SGMS1: variants seen among roughly 807,000 people sequenced by gnomAD.
SGMS1 encodes the protein sphingomyelin synthase 1, also known as phosphatidylcholine:ceramide cholinephosphotransferase 1.
In SGMS1, 13 loss-of-function variants were observed where a neutral mutation model predicts 46.2. That is an observed-to-expected ratio of 0.28 (90% CI 0.18 to 0.45). The LOEUF is 0.45. SGMS1 is among the 20% of genes least tolerant of loss of function. SGMS1 has a pLI of 1.00. For missense variants in SGMS1, 324 were observed against 519.9 expected (o/e 0.62, Z 3.66); for synonymous variants, 203 against 187.8 (o/e 1.08, Z -0.66).
At chr10:50,597,340 A>G (rs74350596) in intron 1 of SGMS1, among the ~76,000 whole-genome samples, 3,034 of 152,322 alleles carry the variant, frequency 0.02, 117 homozygotes, top group African/African-American at 0.07. Context: ...GCCAGCAAAA[A>G]TACAGGTCAA....
intron 6 of SGMS1, among the ~76,000 whole-genome samples, chr10:50,359,168 A>G (rs1848205513): frequency 6.6e-6 from 1 of 152,124 alleles, no homozygotes; most frequent in Non-Finnish European, 1.5e-5. Flanking sequence ...GCTGGAGTGT[A>G]TGTATTTTGC....
chr10:50,528,467 C>T (rs545242081), intron 2 of SGMS1, among the ~76,000 whole-genome samples: 42 of 152,344 alleles, frequency 2.8e-4, no homozygotes, highest in African/African-American at 9.4e-4. Context: ...AGGGACTATT[C>T]TTAAAACCAA....
At chr10:50,324,814 G>A (rs1201984637) in intron 8 of SGMS1, among the ~76,000 whole-genome samples, 1 of 152,172 alleles carries the variant, frequency 6.6e-6, no homozygotes, top group Non-Finnish European at 1.5e-5. Context: ...TCCAGAAAGT[G>A]GGATATTCTG....
chr10:50,554,600 T>A (rs1838175249), intron 2 of SGMS1, among the ~76,000 whole-genome samples: 1 of 152,204 alleles, frequency 6.6e-6, no homozygotes, highest in Non-Finnish European at 1.5e-5. Context: ...AGGAGCAGGC[T>A]GCAGCCACCC....
chr10:50,363,147 T>A (rs2133420852), intron 6 of SGMS1, among the ~76,000 whole-genome samples: 1 of 152,162 alleles, frequency 6.6e-6, no homozygotes, highest in South Asian at 2.1e-4. Flanking sequence ...CTCCAAAAAC[T>A]CCTCTGAAAT....
intron 3 of SGMS1, among the ~76,000 whole-genome samples, chr10:50,506,653 C>G (rs747617005): frequency 6.6e-6 from 1 of 152,188 alleles, no homozygotes; most frequent in Non-Finnish European, 1.5e-5. Context: ...CCTCCAGGAG[C>G]AAATTAAAGG....
intron 7 of SGMS1, among the ~76,000 whole-genome samples, chr10:50,336,371 G>A (rs1007192158): frequency 6.6e-6 from 1 of 152,226 alleles, no homozygotes; most frequent in African/African-American, 2.4e-5. Flanking sequence ...CTTAAGTGCA[G>A]AAACGTGACT....
chr10:50,394,448 G>T (rs117863440), intron 6 of SGMS1, among the ~76,000 whole-genome samples: 2 of 152,206 alleles, frequency 1.3e-5, no homozygotes, highest in South Asian at 4.1e-4. Flanking sequence ...TGACAAAGCA[G>T]AATTTGTCAA....
chr10:50,416,423 T>C (rs1039906957), intron 6 of SGMS1, among the ~76,000 whole-genome samples: 2 of 152,238 alleles, frequency 1.3e-5, no homozygotes, highest in African/African-American at 4.8e-5. Context: ...TCTCAGTGCC[T>C]GATAAAGGAG....
intron 7 of SGMS1, chr10:50,334,407 A>G (rs1181503191): frequency 6.6e-6 from 1 of 152,158 alleles, no homozygotes; most frequent in African/African-American, 2.4e-5. Context: ...GTGTGCGTAT[A>G]CACACCCAGA....
intron 2 of SGMS1, among the ~76,000 whole-genome samples, chr10:50,524,022 T>C (rs186461428): frequency 1.1e-3 from 163 of 152,394 alleles, no homozygotes; most frequent in African/African-American, 3.8e-3. Flanking sequence ...TCAGCTCATC[T>C]AATTCATTTT....
At chr10:50,564,418 C>T (rs1211697075) in intron 2 of SGMS1, among the ~76,000 whole-genome samples, 1 of 152,200 alleles carries the variant, frequency 6.6e-6, no homozygotes, top group Non-Finnish European at 1.5e-5. Flanking sequence ...TGCAATATGA[C>T]ATTACTGCTA....
At chr10:50,539,636 C>T (rs2133816498) in intron 2 of SGMS1, among the ~76,000 whole-genome samples, 1 of 152,298 alleles carries the variant, frequency 6.6e-6, no homozygotes, top group East Asian at 1.9e-4. Context: ...GGGCATGAAC[C>T]TGCAAATTAA....
At chr10:50,397,161 C>G (rs999978569) in intron 6 of SGMS1, among the ~76,000 whole-genome samples, 3 of 152,252 alleles carry the variant, frequency 2.0e-5, no homozygotes, top group Middle Eastern at 3.4e-3. Context: ...ATTTAGAGAA[C>G]TTGTACATTC....
chr10:50,341,438 T>C, intron 7 of SGMS1: 1 of 455,954 alleles, frequency 2.2e-6, no homozygotes, highest in Non-Finnish European at 4.4e-6. Flanking sequence ...CACATCCCTA[T>C]CCCGCCAGAG....
At chr10:50,597,757 A>C (rs955390088) in intron 1 of SGMS1, among the ~76,000 whole-genome samples, 5 of 152,124 alleles carry the variant, frequency 3.3e-5, no homozygotes, top group African/African-American at 1.2e-4. Flanking sequence ...TCACATCTGT[A>C]ATCCCAGCAC....
Position 50,541,598 on chromosome 10 carries a change from C to T in SGMS1, c.-588-21677G>A, listed in dbSNP as rs537288865. Among the ~76,000 whole-genome samples the T allele has an allele frequency of 2.6e-5, 4 of 152,250 alleles. No individual in the cohort carries two copies. The East Asian group carries it at 7.7e-4, about 29-fold the overall frequency. ...AGGTCATCTTGCCATACTCAAAGCCCACAGAGAGTGGTTGTTAAGCTGCCC... is the reference window on the plus strand; with the variant it reads ...AGGTCATCTTGCCATACTCAAAGCCTACAGAGAGTGGTTGTTAAGCTGCCC... On this transcript the variant is annotated intron_variant, in intron 2 of 10. Transcript: ENST00000361781.
In SGMS1 at chr10:50,308,155, G is replaced by A. The variant is rs1320962232; in HGVS notation, c.896-7C>T. On this transcript the variant is annotated splice_polypyrimidine_tract_variant and splice_region_variant and intron_variant, in intron 9 of 10. Transcript: ENST00000361781. ...CAGAGTCGCCGAGGGGAATCTGAAA[G>A]GGGGAGAGATTTGCAATAGTCCCAT... is the stretch of plus-strand genomic sequence containing the variant. 2 of 1,611,244 alleles carry A rather than the reference G, an allele frequency of 1.2e-6. No individual in the cohort carries two copies. Among genetic ancestry groups the A allele is most frequent in the African/African-American group, 1.3e-5 (1 of 74,912 alleles).
At chr10:50,379,970 A>G (rs970141789) in intron 6 of SGMS1, among the ~76,000 whole-genome samples, 1 of 152,214 alleles carries the variant, frequency 6.6e-6, no homozygotes, top group Non-Finnish European at 1.5e-5. Context: ...CAGACTGAGC[A>G]TTATTCAGAA....
Sources: gnomAD v4.1 joint callset for allele counts (sites outside exome capture counted in the v4.1 genomes callset) on GRCh38, gnomAD v4.1.1 for gene constraint, MANE v1.5 for transcripts, NCBI Gene and HGNC (gene_info 2026-07-23, HGNC 2026-07-21) for gene names.